MTUS2: variants seen among roughly 807,000 people sequenced by gnomAD.
MTUS2 encodes the protein microtubule-associated tumor suppressor candidate 2.
MTUS2 carries 40 observed loss-of-function variants against 114.1 expected under a neutral mutation model. The ratio of observed to expected loss-of-function variants is 0.35; its 90% confidence interval spans 0.27 to 0.46. MTUS2 has a LOEUF of 0.46. Among genes scored for constraint, MTUS2 ranks in the 20% least tolerant of loss-of-function variants. MTUS2 has a pLI of 1.00. For synonymous variants in MTUS2, 688 were observed against 672.0 expected, an observed-to-expected ratio of 1.02 and a Z score of -0.37; for missense variants, 1,679 against 1,705.4, an observed-to-expected ratio of 0.98 and a Z score of 0.27.
intron 5 of MTUS2, among the ~76,000 whole-genome samples, chr13:29,237,459 T>G (rs889242979): frequency 1.3e-5 from 2 of 152,154 alleles, no homozygotes; most frequent in Non-Finnish European, 2.9e-5. Flanking sequence ...TTCACGCTTC[T>G]CTGCTGCTTC....
chr13:29,322,943 A>G (rs777855465), intron 6 of MTUS2, among the ~76,000 whole-genome samples: 1 of 152,192 alleles, frequency 6.6e-6, no homozygotes, highest in Non-Finnish European at 1.5e-5. Flanking sequence ...AATCGATTAA[A>G]TGATTGAGAC....
intron 2 of MTUS2, among the ~76,000 whole-genome samples, chr13:28,966,741 A>AAAAAAAAC (rs1566257830): frequency 6.6e-6 from 1 of 151,504 alleles, no homozygotes; most frequent in African/African-American, 2.4e-5. Flanking sequence ...AAAAAAAAAA[A>AAAAAAAAC]AAAAAAACAA....
chr13:29,341,558 A>G (rs1901399429), intron 7 of MTUS2, among the ~76,000 whole-genome samples: 1 of 152,126 alleles, frequency 6.6e-6, no homozygotes, highest in Non-Finnish European at 1.5e-5. Flanking sequence ...TGTCAGATGC[A>G]TAGTTTGCAA....
intron 5 of MTUS2, among the ~76,000 whole-genome samples, chr13:29,198,118 G>T (rs1369714738): frequency 6.6e-6 from 1 of 152,116 alleles, no homozygotes; most frequent in Admixed American, 6.6e-5. Flanking sequence ...ATTGCTTTTG[G>T]TGTTTTAGTC....
chr13:29,342,805 TG>T (rs149537044), intron 7 of MTUS2, among the ~76,000 whole-genome samples: 6,280 of 152,222 alleles, frequency 0.041, 399 homozygotes, highest in African/African-American at 0.14. Context: ...TTGTCATAGA[TG>T]GCTTTTATTA....
intron 1 of MTUS2, among the ~76,000 whole-genome samples, chr13:28,824,547 A>G (rs955611487): frequency 3.9e-5 from 6 of 152,124 alleles, no homozygotes; most frequent in African/African-American, 1.2e-4. Flanking sequence ...TTCTCCCTTT[A>G]AAACACCCAG....
At chr13:29,204,826 C>G (rs769198552) in intron 5 of MTUS2, among the ~76,000 whole-genome samples, 4 of 152,242 alleles carry the variant, frequency 2.6e-5, no homozygotes, top group Non-Finnish European at 5.9e-5. Flanking sequence ...ACTAAAAGCG[C>G]GCAAAGCATC....
chr13:29,208,744 T>A (rs1227987270), intron 5 of MTUS2, among the ~76,000 whole-genome samples: 1 of 152,136 alleles, frequency 6.6e-6, no homozygotes. Context: ...TGGTTTTGAG[T>A]GTTCCTTTTG....
chr13:29,166,632 T>C (rs1190954475), intron 5 of MTUS2, among the ~76,000 whole-genome samples: 1 of 152,248 alleles, frequency 6.6e-6, no homozygotes, highest in East Asian at 1.9e-4. Flanking sequence ...GAAGTCAGAC[T>C]AGTAGCTGTT....
chr13:29,098,936 A>C (rs530796356), intron 4 of MTUS2, among the ~76,000 whole-genome samples: 2 of 152,360 alleles, frequency 1.3e-5, no homozygotes, highest in Admixed American at 1.3e-4. Context: ...TAGATAACTT[A>C]AAATAGTATC....
intron 5 of MTUS2, among the ~76,000 whole-genome samples, chr13:29,273,469 G>A (rs1300678588): frequency 6.6e-6 from 1 of 152,128 alleles, no homozygotes; most frequent in Admixed American, 6.5e-5. Context: ...TCAGGGGAGA[G>A]GTGAAGAGCT....
intron 5 of MTUS2, among the ~76,000 whole-genome samples, chr13:29,162,088 C>T (rs1487120311): frequency 6.6e-6 from 1 of 152,182 alleles, no homozygotes; most frequent in Non-Finnish European, 1.5e-5. Flanking sequence ...ATCACTGCCT[C>T]TGTATTCACA....
chr13:29,061,164 A>G (rs1888401084), intron 4 of MTUS2, among the ~76,000 whole-genome samples: 2 of 152,082 alleles, frequency 1.3e-5, no homozygotes, highest in African/African-American at 4.8e-5. Flanking sequence ...GATACTGTAT[A>G]TTGTTCTATT....
chr13:28,877,298 A>G (rs1444450461), intron 2 of MTUS2, among the ~76,000 whole-genome samples: 1 of 150,312 alleles, frequency 6.7e-6, no homozygotes, highest in East Asian at 1.9e-4. Context: ...AGCCTGGGCG[A>G]CAGACTGAGA....
At chr13:28,980,169 T>C (rs1447584688) in intron 2 of MTUS2, among the ~76,000 whole-genome samples, 1 of 152,222 alleles carries the variant, frequency 6.6e-6, no homozygotes, top group Non-Finnish European at 1.5e-5. Context: ...TGTATTGATT[T>C]TGTGAATATC....
chr13:29,312,837 G>A (rs929570716), intron 6 of MTUS2, among the ~76,000 whole-genome samples: 1 of 152,104 alleles, frequency 6.6e-6, no homozygotes. Context: ...AGTATGTACA[G>A]GGATTTCTCA....
intron 8 of MTUS2, among the ~76,000 whole-genome samples, chr13:29,417,195 G>A (rs2138576572): frequency 6.6e-6 from 1 of 152,236 alleles, no homozygotes; most frequent in South Asian, 2.1e-4. Flanking sequence ...TGGAGAGAAA[G>A]GGGGCAAGAG....
rs556139333 is a variant in MTUS2, at chr13:29,253,058, C to A, written c.2645-28646C>A. On this transcript the variant is annotated intron_variant, in intron 5 of 15. Coordinates refer to ENST00000612955, the MANE Select transcript of MTUS2 (RefSeq NM_001033602.4). ...CTAAAGGTGTCTCTTTGGGACTTTT[C>A]TGTCATTTTACATTTTTGGCCTTTT... 6.0e-5 allele frequency among the ~76,000 whole-genome samples: 9 copies of A among 149,902 alleles called. No individual in the cohort carries two copies. The South Asian group carries it at 1.9e-3, about 32-fold the overall frequency.
chr13:29,174,110 T>C (rs1378385952), intron 5 of MTUS2, among the ~76,000 whole-genome samples: 7 of 152,204 alleles, frequency 4.6e-5, no homozygotes, highest in Admixed American at 4.6e-4. Flanking sequence ...TGTTCCTTCG[T>C]GTTTCCTCCT....
Sources: allele counts gnomAD v4.1 joint callset (sites outside exome capture counted in the v4.1 genomes callset), GRCh38; gene constraint gnomAD v4.1.1; transcripts MANE v1.5; gene names NCBI Gene and HGNC (gene_info 2026-07-23, HGNC 2026-07-21).